Variants in SYNPR observed in about 807,000 individuals in gnomAD.
The protein encoded by SYNPR is synaptoporin.
SYNPR carries 23 observed loss-of-function variants against 32.9 expected under a neutral mutation model. The observed-to-expected ratio is 0.70, with a 90% confidence interval of 0.50 to 0.99. SYNPR has a LOEUF of 0.99. Ranked by LOEUF, SYNPR falls within the 50% of genes least tolerant of loss-of-function variation. SYNPR has a pLI of 0.00. For synonymous variants in SYNPR, 146 were observed against 135.9 expected, an observed-to-expected ratio of 1.07 and a Z score of -0.52; for missense variants, 318 against 349.3, an observed-to-expected ratio of 0.91 and a Z score of 0.71.
At chr3:63,338,752 C>A (rs2087325786) in intron 2 of SYNPR, among the ~76,000 whole-genome samples, 1 of 152,184 alleles carries the variant, frequency 6.6e-6, no homozygotes, top group East Asian at 1.9e-4. Context: ...GAGACAAATA[C>A]CATGCTGTCC....
At chr3:63,495,552 C>T (rs1701354559) in intron 3 of SYNPR, among the ~76,000 whole-genome samples, 1 of 152,156 alleles carries the variant, frequency 6.6e-6, no homozygotes, top group African/African-American at 2.4e-5. Context: ...TTATGCTCAA[C>T]AATCTCTGTA....
chr3:63,508,457 GGTGACTCTGGTGATGTAAA>G (rs1318952466), intron 3 of SYNPR, among the ~76,000 whole-genome samples: 2 of 152,114 alleles, frequency 1.3e-5, no homozygotes, highest in Non-Finnish European at 2.9e-5. Context: ...GGTGATGTAA[GGTGACTCTGGTGATGTAAA>G]GTGACTCAGA....
chr3:63,393,496 C>CTTTTTTTTTTTTTTTTTTTTTT (rs71631152), intron 2 of SYNPR, among the ~76,000 whole-genome samples: 16 of 84,508 alleles, frequency 1.9e-4, no homozygotes, highest in East Asian at 7.9e-4. Context: ...TCTTTCTTCT[C>CTTTTTTTTTTTTTTTTTTTTTT]TTTTTTTTTT....
chr3:63,386,681 T>C (rs2088050378), intron 2 of SYNPR, among the ~76,000 whole-genome samples: 1 of 149,882 alleles, frequency 6.7e-6, no homozygotes, highest in Admixed American at 6.6e-5. Context: ...TCACTAGGTT[T>C]TGATGAGCCT....
chr3:63,550,099 T>C (rs1702475113), intron 3 of SYNPR: 1 of 152,098 alleles, frequency 6.6e-6, no homozygotes, highest in Non-Finnish European at 1.5e-5. Flanking sequence ...TTGTTTAGAT[T>C]CTGAATGAAT....
At chr3:63,477,159 T>G (rs1413207003) in intron 2 of SYNPR, among the ~76,000 whole-genome samples, 2 of 152,128 alleles carry the variant, frequency 1.3e-5, no homozygotes, top group Non-Finnish European at 2.9e-5. Flanking sequence ...TGGGAAGATT[T>G]CTGAAGTCCC....
chr3:63,328,583 G>A (rs1400677265), intron 2 of SYNPR, among the ~76,000 whole-genome samples: 1 of 152,184 alleles, frequency 6.6e-6, no homozygotes, highest in East Asian at 1.9e-4. Context: ...TGGTGACTAA[G>A]AATAGTAGCC....
intron 4 of SYNPR, among the ~76,000 whole-genome samples, chr3:63,557,202 T>C (rs1189166861): frequency 6.6e-6 from 1 of 152,188 alleles, no homozygotes; most frequent in Non-Finnish European, 1.5e-5. Flanking sequence ...CAAGGACTCA[T>C]ATGAGTGAAA....
chr3:63,570,575 C>T (rs1043900462), intron 4 of SYNPR, among the ~76,000 whole-genome samples: 3 of 152,126 alleles, frequency 2.0e-5, no homozygotes, highest in African/African-American at 7.2e-5. Context: ...CTTCTCCCTC[C>T]CAGCCTATCA....
chr3:63,423,634 A>G (rs1699838163), intron 2 of SYNPR: 1 of 152,230 alleles, frequency 6.6e-6, no homozygotes, highest in South Asian at 2.1e-4. Flanking sequence ...ATATTGCAGC[A>G]GGTTCTGGTC....
chr3:63,543,440 T>C (rs1702342738), intron 3 of SYNPR, among the ~76,000 whole-genome samples: 1 of 152,168 alleles, frequency 6.6e-6, no homozygotes, highest in Admixed American at 6.6e-5. Flanking sequence ...TTCTGTTCTA[T>C]TTAAATATTC....
chr3:63,468,674 G>T (rs1360743324), intron 2 of SYNPR, among the ~76,000 whole-genome samples: 1 of 152,064 alleles, frequency 6.6e-6, no homozygotes. Context: ...GGTGGTGCAT[G>T]TTTGTAATCC....
At chr3:63,263,962 A>G (rs4688382) in intron 2 of SYNPR, among the ~76,000 whole-genome samples, 116,360 of 152,040 alleles carry the variant, frequency 0.77, 45,403 homozygotes, top group Middle Eastern at 0.87. Flanking sequence ...AACAATCACA[A>G]TACTGGCTAT....
chr3:63,439,283 T>A (rs934165903), intron 2 of SYNPR, among the ~76,000 whole-genome samples: 1 of 152,256 alleles, frequency 6.6e-6, no homozygotes, highest in Non-Finnish European at 1.5e-5. Context: ...TCTCTATAAA[T>A]ACTTGACTTA....
At chr3:63,609,350 A>G (rs1490694981) in intron 5 of SYNPR, 34 bp downstream of exon 5, 1 of 1,448,568 alleles carries the variant, frequency 6.9e-7, no homozygotes, top group South Asian at 1.5e-5. Context: ...TACTGTTCAT[A>G]TCTTTGTTTG....
At chr3:63,389,261 C>A (rs2088098208) in intron 2 of SYNPR, among the ~76,000 whole-genome samples, 1 of 150,462 alleles carries the variant, frequency 6.6e-6, no homozygotes, top group South Asian at 2.1e-4. Flanking sequence ...TAAACAAAAT[C>A]TACCTTAAGC....
At chr3:63,256,524 A>G (rs1014411739) in intron 2 of SYNPR, among the ~76,000 whole-genome samples, 3 of 152,216 alleles carry the variant, frequency 2.0e-5, no homozygotes, top group South Asian at 2.1e-4. Context: ...TGTTAGAAGG[A>G]AAACTAACAA....
At chr3:63,437,135 C>T (rs566409101) in intron 2 of SYNPR, among the ~76,000 whole-genome samples, 1 of 149,068 alleles carries the variant, frequency 6.7e-6, no homozygotes, top group Admixed American at 6.7e-5. Flanking sequence ...CCTCGGCCTC[C>T]CAGAGTGCTG....
Position 63,242,069 on chromosome 3 carries a change from T to C in SYNPR, n.67-10430T>C, listed in dbSNP as rs564123755. ...CTTTCAACATGATTAATATGAGGAA[T>C]AAAAGCGAGGAAAGAACCCCTTCTA... On this transcript the variant is annotated intron_variant and non_coding_transcript_variant, in intron 1 of 4. Transcript: ENST00000478456. Among the ~76,000 whole-genome samples, 21 of 152,116 alleles carry C rather than the reference T, an allele frequency of 1.4e-4. 1 individual carries two copies. The Middle Eastern group carries it at 0.01, about 74-fold the overall frequency.
Sources: allele counts gnomAD v4.1 joint callset (sites outside exome capture counted in the v4.1 genomes callset), GRCh38; gene constraint gnomAD v4.1.1; transcripts MANE v1.5; gene names NCBI Gene and HGNC (gene_info 2026-07-23, HGNC 2026-07-21).